Variants in KLHL24 observed in about 807,000 individuals in gnomAD.
KLHL24 encodes kelch-like protein 24.
KLHL24 carries 29 observed loss-of-function variants against 53.4 expected under a neutral mutation model. The ratio of observed to expected loss-of-function variants is 0.54; its 90% confidence interval spans 0.40 to 0.74. The LOEUF (loss-of-function observed/expected upper bound fraction) is 0.74. Among genes scored for constraint, KLHL24 ranks in the 30% least tolerant of loss-of-function variants. KLHL24 has a pLI of 0.00. For synonymous variants in KLHL24, 222 were observed against 253.7 expected (o/e 0.88, Z 1.19); for missense variants, 504 against 744.0 (o/e 0.68, Z 3.75).
chr3:183,674,316 C>CTTCCTTCCCTTCT (rs1312820183), intron 7 of KLHL24, among the ~76,000 whole-genome samples: 2 of 144,256 alleles, frequency 1.4e-5, no homozygotes, highest in African/African-American at 5.1e-5. Flanking sequence ...TTCTTCCTTC[C>CTTCCTTCCCTTCT]TTCCTTCCCT....
At chr3:183,639,476 A>G (rs896964417) in intron 1 of KLHL24, among the ~76,000 whole-genome samples, 4 of 151,192 alleles carry the variant, frequency 2.6e-5, no homozygotes, top group Admixed American at 6.6e-5. Flanking sequence ...TAAAAATACA[A>G]AAAATTAGCC....
intron 5 of KLHL24, among the ~76,000 whole-genome samples, chr3:183,666,601 T>G (rs1560176656): frequency 6.6e-6 from 1 of 152,160 alleles, no homozygotes; most frequent in Non-Finnish European, 1.5e-5. Flanking sequence ...AATATTTTCA[T>G]TATATTCATT....
Position 183,681,711 on chromosome 3 carries a change from C to T in KLHL24, c.*2425C>T, listed in dbSNP as rs1056073640. On this transcript the variant is annotated 3_prime_UTR_variant, in exon 8 of 8. Transcript: ENST00000242810. Reference sequence around the variant, plus strand: ...ATTTTAATTTTTTAATATTTATCTTCCTTTACTAATTCTTGATAAATAATA... The same window carrying T: ...ATTTTAATTTTTTAATATTTATCTTTCTTTACTAATTCTTGATAAATAATA... The T allele has an allele frequency of 1.3e-5, 2 of 151,926 alleles. No individual in the cohort carries two copies. Among genetic ancestry groups the T allele is most frequent in the East Asian group, 1.9e-4 (1 of 5,152 alleles). The allele number at this position is 151,926 out of a possible 1,614,324, so 9.4% of individuals were successfully genotyped here. A position where few individuals can be genotyped will look rare whatever the true frequency, so the allele number is the denominator to read the frequency against.
chr3:183,677,813 C>T (rs919423045), intron 7 of KLHL24, among the ~76,000 whole-genome samples: 30 of 151,836 alleles, frequency 2.0e-4, no homozygotes, highest in African/African-American at 5.8e-4. Context: ...TTTTTTGAGA[C>T]GGAGTTTCGC....
chr3:183,679,100 G>A lies in KLHL24; in HGVS notation c.1617G>A (p.Met539Ile). The change falls in exon 8 of 8, where the codon ATG becomes ATA. Residue 539 changes from methionine (M) to isoleucine (I), a missense_variant. Coordinates refer to ENST00000242810, the MANE Select transcript of KLHL24 (RefSeq NM_017644.3). ...NTFSRQENCG[M>I]SVCNGKIYIL... Reference sequence around the variant, plus strand: ...TGGTTAAACAGGAAAACTGTGGTATGTCTGTGTGTAATGGTAAAATATATA... The same window carrying A: ...TGGTTAAACAGGAAAACTGTGGTATATCTGTGTGTAATGGTAAAATATATA... The A allele has an allele frequency of 6.2e-7, 1 of 1,613,032 alleles. No homozygotes were observed. The highest frequency in any genetic ancestry group is 8.5e-7 in the Non-Finnish European group (1 of 1,179,014).
chr3:183,653,496 C>T lies in KLHL24; in HGVS notation c.920+2220C>T, dbSNP rs181730758. Among the ~76,000 whole-genome samples, 15 of 152,070 alleles carry T rather than the reference C, an allele frequency of 9.9e-5. No individual in the cohort carries two copies. In the East Asian group the frequency reaches 2.1e-3, roughly 22 times the overall value. ...CTGAAGTGGAGTGGCTAGCCAGTGGCGCAAAATTTGCAGGGCGGGGAAACC... is the reference window on the plus strand; with the variant it reads ...CTGAAGTGGAGTGGCTAGCCAGTGGTGCAAAATTTGCAGGGCGGGGAAACC... On this transcript the variant is annotated intron_variant, in intron 3 of 7. Transcript: ENST00000242810.
intron 3 of KLHL24, among the ~76,000 whole-genome samples, chr3:183,660,336 G>C (rs962716304): frequency 1.4e-4 from 21 of 151,924 alleles, no homozygotes; most frequent in Non-Finnish European, 3.1e-4. Context: ...TCACTGTGTT[G>C]CTTAGGCTGG....
intron 2 of KLHL24, among the ~76,000 whole-genome samples, chr3:183,646,217 C>T (rs1717209312): frequency 6.6e-6 from 1 of 151,810 alleles, no homozygotes; most frequent in African/African-American, 2.4e-5. Context: ...CAAAAATTAG[C>T]CCGGCATGGT....
At chr3:183,662,524 G>A (rs973156430) in intron 3 of KLHL24, among the ~76,000 whole-genome samples, 4 of 152,018 alleles carry the variant, frequency 2.6e-5, no homozygotes, top group African/African-American at 9.7e-5. Flanking sequence ...AAATATAAAA[G>A]CTAAAGAATT....
chr3:183,665,044 G>T lies in KLHL24; in HGVS notation c.1224+5G>T. On this transcript the variant is annotated splice_donor_5th_base_variant and intron_variant, in intron 5 of 7. Coordinates refer to ENST00000242810, the MANE Select transcript of KLHL24 (RefSeq NM_017644.3). ...ATGGCTGTCCTCCTTGGTAAAGTAA[G>T]AGAAACCACTTTTTATTACTATTGC... 6.9e-7 allele frequency: 1 copy of T among 1,458,504 alleles called. No individual in the cohort carries two copies. The highest frequency in any genetic ancestry group is 9.6e-7 in the Non-Finnish European group (1 of 1,040,920). The allele number at this position is 1,458,504 out of a possible 1,614,324, so 90.3% of individuals were successfully genotyped here. A position where few individuals can be genotyped will look rare whatever the true frequency, so the allele number is the denominator to read the frequency against.
chr3:183,649,564 T>C (rs921744208), intron 2 of KLHL24, among the ~76,000 whole-genome samples: 2 of 152,054 alleles, frequency 1.3e-5, no homozygotes, highest in African/African-American at 4.8e-5. Flanking sequence ...AATGTACATA[T>C]TTTTAAAGGC....
At position 183,650,842 on chromosome 3, in the gene KLHL24, A is replaced by G. The variant is rs774457220; in HGVS notation, c.486A>G (p.Gln162=). 3 of 1,614,122 alleles carry G rather than the reference A, an allele frequency of 1.9e-6. No individual in the cohort carries two copies. Among genetic ancestry groups the G allele is most frequent in the Non-Finnish European group, 2.5e-6 (3 of 1,180,036 alleles). The change falls in exon 3 of 8, where the codon CAA becomes CAG. Residue 162 remains glutamine, a synonymous_variant. Transcript: ENST00000242810. The surrounding 1 kb of genome is among the most constrained non-coding windows in gnomAD (Gnocchi z 4.5). ...RDACAKFLEE[Q]LDPCNCLGIQ... ...CATGTGCCAAGTTCTTGGAGGAGCAACTTGATCCTTGTAATTGCTTAGGAA... is the reference window on the plus strand; with the variant it reads ...CATGTGCCAAGTTCTTGGAGGAGCAGCTTGATCCTTGTAATTGCTTAGGAA...
chr3:183,641,474 CAAAAAAAAA>C (rs202119480), intron 1 of KLHL24, among the ~76,000 whole-genome samples: 3 of 70,270 alleles, frequency 4.3e-5, no homozygotes, highest in African/African-American at 1.6e-4. Context: ...GAGACTGTCT[CAAAAAAAAA>C]AAAAAAAAAA....
At chr3:183,670,242 G>A (rs1721150254) in intron 5 of KLHL24, among the ~76,000 whole-genome samples, 1 of 152,144 alleles carries the variant, frequency 6.6e-6, no homozygotes, top group South Asian at 2.1e-4. Flanking sequence ...TCCAGCCTGA[G>A]CAACAGAATG....
Position 183,637,613 on chromosome 3 carries a change from A to G in KLHL24, c.-125+1820A>G, listed in dbSNP as rs535517079. On this transcript the variant is annotated intron_variant, in intron 1 of 7. Coordinates refer to ENST00000242810, the MANE Select transcript of KLHL24 (RefSeq NM_017644.3). ...TGCGTTTTGTCAGATTTTCTTCTGC[A>G]GATATAGGAATTCACTCAAGACTTA... Among the ~76,000 whole-genome samples, 5 of 152,248 alleles carry G rather than the reference A, an allele frequency of 3.3e-5. No homozygotes were observed. The East Asian group carries it at 9.6e-4, about 29-fold the overall frequency.
At chr3:183,671,429 T>A (rs1721307224) in intron 6 of KLHL24, among the ~76,000 whole-genome samples, 1 of 152,202 alleles carries the variant, frequency 6.6e-6, no homozygotes, top group South Asian at 2.1e-4. Context: ...ACAAATGTGA[T>A]CCAATCTTTT....
intron 5 of KLHL24, among the ~76,000 whole-genome samples, chr3:183,667,897 G>C (rs775460566): frequency 2.4e-4 from 36 of 151,514 alleles, no homozygotes; most frequent in Non-Finnish European, 4.1e-4. Context: ...ATTTTTTGTG[G>C]AGATAATGTT....
chr3:183,663,435 T>A lies in KLHL24; in HGVS notation c.921-23T>A. ...ATGTAATATTATTATATTATTTATG[T>A]ACGCTAATAATTATTATTTTAGGTC... On this transcript the variant is annotated intron_variant, in intron 3 of 7. Transcript: ENST00000242810. The surrounding 1 kb of genome is among the most constrained non-coding windows in gnomAD (Gnocchi z 4.9). 1 of 1,240,378 alleles carries A rather than the reference T, an allele frequency of 8.1e-7. No individual in the cohort carries two copies. Among genetic ancestry groups the A allele is most frequent in the Non-Finnish European group, 1.1e-6 (1 of 913,166 alleles). 76.8% of individuals were successfully genotyped at this position (1,240,378 alleles called of 1,614,324 possible).
rs1576868452 is a variant in KLHL24 at position 183,639,589 on chromosome 3, C to CAA, written c.-125+3796_-125+3797insAA. 1.2e-4 allele frequency among the ~76,000 whole-genome samples: 17 copies of CAA among 145,862 alleles called. No homozygotes were observed. In the East Asian group the frequency reaches 3.4e-3, roughly 29 times the overall value. On this transcript the variant is annotated intron_variant, in intron 1 of 7. Transcript: ENST00000242810. ...AGCTTGCAGTGAGCCAAGATCGCGC[C>CAA]GCTGCACTCCAGCCTGGGTGACAGA...
Sources: gnomAD v4.1 joint callset for allele counts (sites outside exome capture counted in the v4.1 genomes callset) on GRCh38, gnomAD v4.1.1 for gene constraint, Gnocchi (gnomAD v3.1) non-coding constraint, MANE v1.5 for transcripts, NCBI Gene and HGNC (gene_info 2026-07-23, HGNC 2026-07-21) for gene names.